Variants in SLC35F1 observed in about 807,000 individuals in gnomAD.
SLC35F1 encodes the protein chromosome 6 open reading frame 169.
Under a neutral mutation model 48.7 loss-of-function variants are expected in SLC35F1, and 14 were observed. The ratio of observed to expected loss-of-function variants is 0.29; its 90% CI spans 0.19 to 0.45. The LOEUF (loss-of-function observed/expected upper bound fraction) is 0.45. Ranked by LOEUF, SLC35F1 falls within the 20% of genes least tolerant of loss-of-function variation. SLC35F1 has a pLI of 1.00. For missense variants in SLC35F1, 404 were observed against 500.0 expected (o/e 0.81, Z 1.83); for synonymous variants, 190 against 202.2 (o/e 0.94, Z 0.51).
intron 3 of SLC35F1, among the ~76,000 whole-genome samples, chr6:118,255,026 T>C (rs1214121490): frequency 6.6e-6 from 1 of 152,214 alleles, no homozygotes; most frequent in Non-Finnish European, 1.5e-5. Context: ...CTCAGAGTTT[T>C]CTCTCTCTTG....
intron 3 of SLC35F1, among the ~76,000 whole-genome samples, chr6:118,240,628 C>A (rs1249730347): frequency 1.3e-5 from 2 of 152,156 alleles, no homozygotes; most frequent in African/African-American, 2.4e-5. Flanking sequence ...CAAGAATAAA[C>A]ATTCTGAAGG....
intron 2 of SLC35F1, among the ~76,000 whole-genome samples, chr6:118,211,345 G>T (rs1039545913): frequency 1.1e-4 from 16 of 152,036 alleles, no homozygotes; most frequent in African/African-American, 1.9e-4. Flanking sequence ...GCATGTATGT[G>T]TGTCTCATAA....
At chr6:117,967,708 A>G (rs969218448) in intron 1 of SLC35F1, among the ~76,000 whole-genome samples, 18 of 152,226 alleles carry the variant, frequency 1.2e-4, no homozygotes, top group Admixed American at 1.1e-3. Flanking sequence ...ATCTTATGCA[A>G]TGAGTGAGTT....
chr6:118,291,974 T>C (rs1006371361), intron 7 of SLC35F1, among the ~76,000 whole-genome samples: 1 of 151,842 alleles, frequency 6.6e-6, no homozygotes, highest in Non-Finnish European at 1.5e-5. Context: ...AAAAATTAGC[T>C]GGGCATGGTG....
chr6:118,263,303 G>A (rs531127577), intron 3 of SLC35F1, among the ~76,000 whole-genome samples: 43 of 152,168 alleles, frequency 2.8e-4, no homozygotes, highest in African/African-American at 9.2e-4. Flanking sequence ...TGATCCTCCC[G>A]CCTCAGCCTC....
chr6:117,940,839 G>A (rs1776222558), intron 1 of SLC35F1, among the ~76,000 whole-genome samples: 1 of 152,062 alleles, frequency 6.6e-6, no homozygotes, highest in East Asian at 1.9e-4. Flanking sequence ...TGTAGAGATG[G>A]AGTTTTGCCA....
At chr6:118,226,658 G>T (rs1300151764) in intron 2 of SLC35F1, among the ~76,000 whole-genome samples, 1 of 152,158 alleles carries the variant, frequency 6.6e-6, no homozygotes, top group East Asian at 1.9e-4. Flanking sequence ...TCAAAAAGTG[G>T]ATCTCATGAA....
At chr6:117,930,254 G>T (rs1776083277) in intron 1 of SLC35F1, among the ~76,000 whole-genome samples, 1 of 152,166 alleles carries the variant, frequency 6.6e-6, no homozygotes. Flanking sequence ...AAAGGATGTT[G>T]TCTGGACTCT....
At chr6:117,994,210 C>T (rs1188317006) in intron 1 of SLC35F1, among the ~76,000 whole-genome samples, 4 of 151,996 alleles carry the variant, frequency 2.6e-5, no homozygotes, top group Admixed American at 6.6e-5. Context: ...TTGCCCCCCC[C>T]ATCCTCAACA....
chr6:118,169,815 A>G (rs112017417), intron 2 of SLC35F1, among the ~76,000 whole-genome samples: 2,671 of 152,306 alleles, frequency 0.018, 79 homozygotes, highest in African/African-American at 0.06. Flanking sequence ...TTCCATTTCT[A>G]TTGAAATCAA....
At chr6:118,215,064 AG>A (rs1465657752) in intron 2 of SLC35F1, among the ~76,000 whole-genome samples, 1 of 152,156 alleles carries the variant, frequency 6.6e-6, no homozygotes, top group Non-Finnish European at 1.5e-5. Context: ...CAGGAGGCAA[AG>A]GAGAATCTTA....
In SLC35F1 at chr6:117,907,293, C is replaced by T. The variant is rs1775696443; in HGVS notation, c.-434C>T. On this transcript the variant is annotated 5_prime_UTR_variant, in exon 1 of 8. Coordinates refer to ENST00000360388, the MANE Select transcript of SLC35F1 (RefSeq NM_001029858.4). ...ACGGTAGCTTTCCGACCGAGCGGGG[C>T]ACAGGCTGAGGCGGCGCCAGCACAA... Among the ~76,000 whole-genome samples, 1 of 151,014 alleles carries T rather than the reference C, an allele frequency of 6.6e-6. No homozygotes were observed. Among genetic ancestry groups the T allele is most frequent in the African/African-American group, 2.4e-5 (1 of 41,374 alleles).
intron 2 of SLC35F1, among the ~76,000 whole-genome samples, chr6:118,225,204 C>T (rs1775199654): frequency 6.6e-6 from 1 of 152,106 alleles, no homozygotes; most frequent in South Asian, 2.1e-4. Context: ...GCAAAAAGAA[C>T]AAAGCTAGAG....
intron 1 of SLC35F1, among the ~76,000 whole-genome samples, chr6:117,940,729 G>A (rs1776220703): frequency 6.6e-6 from 1 of 151,908 alleles, no homozygotes. Flanking sequence ...GCTCCCTGCA[G>A]CCTCCACCTC....
At chr6:118,130,764 T>C (rs1354666709) in intron 1 of SLC35F1, among the ~76,000 whole-genome samples, 1 of 152,164 alleles carries the variant, frequency 6.6e-6, no homozygotes, top group Admixed American at 6.6e-5. Context: ...CTATTTCTAG[T>C]ACCTTTTTAT....
At chr6:118,297,635 TA>T (rs1776203844) in intron 7 of SLC35F1, among the ~76,000 whole-genome samples, 19 of 100,764 alleles carry the variant, frequency 1.9e-4, no homozygotes, top group African/African-American at 4.8e-4. Context: ...TATATATATA[TA>T]TAAAAAATAT....
intron 1 of SLC35F1, among the ~76,000 whole-genome samples, chr6:117,974,409 T>G (rs1167937854): frequency 6.6e-6 from 1 of 152,238 alleles, no homozygotes; most frequent in African/African-American, 2.4e-5. Flanking sequence ...TTTCTTATTC[T>G]GCACTGAAGT....
intron 1 of SLC35F1, among the ~76,000 whole-genome samples, chr6:117,971,356 C>T (rs1776635531): frequency 1.3e-5 from 2 of 152,232 alleles, no homozygotes; most frequent in African/African-American, 2.4e-5. Context: ...CAGCCCCCCT[C>T]CCAGCTGCTT....
intron 1 of SLC35F1, among the ~76,000 whole-genome samples, chr6:118,019,522 T>A (rs778711741): frequency 8.5e-5 from 13 of 152,050 alleles, no homozygotes; most frequent in Non-Finnish European, 1.3e-4. Context: ...CTGGGAAGGC[T>A]GAGGCAGGAG....
Sources: allele counts gnomAD v4.1 joint callset (sites outside exome capture counted in the v4.1 genomes callset), GRCh38; gene constraint gnomAD v4.1.1; transcripts MANE v1.5; gene names NCBI Gene and HGNC (gene_info 2026-07-23, HGNC 2026-07-21).